The following MAP3K7CL variants were observed in gnomAD, a reference collection of about 807,000 sequenced individuals.
MAP3K7CL encodes the protein MAP3K7 C-terminal-like protein.
A neutral mutation model predicts 18.6 loss-of-function variants in MAP3K7CL; 16 were observed. The observed-to-expected ratio is 0.86, with a 90% CI of 0.58 to 1.31. The LOEUF (loss-of-function observed/expected upper bound fraction) is 1.31. Among genes scored for constraint, MAP3K7CL ranks in the 50% most tolerant of loss-of-function variants. The pLI is 0.00. For synonymous variants in MAP3K7CL, 65 were observed against 66.8 expected (o/e 0.97, Z 0.13); for missense variants, 163 against 174.4 (o/e 0.93, Z 0.37).
chr21:29,157,201 A>G (rs1229824592), intron 3 of MAP3K7CL, among the ~76,000 whole-genome samples: 7 of 152,206 alleles, frequency 4.6e-5, no homozygotes, highest in South Asian at 2.1e-4. Flanking sequence ...AAGTATATTC[A>G]CATTGTTGTG....
chr21:29,152,622 G>A (rs1387543083), intron 3 of MAP3K7CL, among the ~76,000 whole-genome samples: 1 of 152,160 alleles, frequency 6.6e-6, no homozygotes, highest in Non-Finnish European at 1.5e-5. Context: ...GGTATTGTCA[G>A]CCCCGTTCTC....
intron 4 of MAP3K7CL, among the ~76,000 whole-genome samples, chr21:29,104,770 C>A (rs1037550798): frequency 2.0e-5 from 3 of 152,196 alleles, no homozygotes; most frequent in African/African-American, 7.2e-5. Flanking sequence ...TGAACCACAG[C>A]GTGTCCTTCG....
chr21:29,101,100 C>T (rs2086221672), intron 4 of MAP3K7CL, among the ~76,000 whole-genome samples: 1 of 151,834 alleles, frequency 6.6e-6, no homozygotes, highest in Non-Finnish European at 1.5e-5. Context: ...CGCGCGTGGC[C>T]GCAAACATTT....
At chr21:29,160,640 AC>A (rs2146726491) in intron 4 of MAP3K7CL, among the ~76,000 whole-genome samples, 1 of 152,286 alleles carries the variant, frequency 6.6e-6, no homozygotes, top group South Asian at 2.1e-4. Context: ...GCCAGTGCCT[AC>A]CCCAGTGAAT....
intron 4 of MAP3K7CL, among the ~76,000 whole-genome samples, chr21:29,094,915 C>T (rs1485460189): frequency 7.9e-5 from 12 of 152,106 alleles, no homozygotes; most frequent in South Asian, 4.1e-4. Flanking sequence ...AAAAATTAGC[C>T]GGGCATGGTG....
intron 4 of MAP3K7CL, among the ~76,000 whole-genome samples, chr21:29,164,553 A>G (rs1399115933): frequency 6.6e-6 from 1 of 152,230 alleles, no homozygotes; most frequent in African/African-American, 2.4e-5. Context: ...CCCTGGATCA[A>G]GTTTGGGAGA....
At chr21:29,138,165 GA>G (rs1364066985) in intron 2 of MAP3K7CL, among the ~76,000 whole-genome samples, 1 of 152,174 alleles carries the variant, frequency 6.6e-6, no homozygotes, top group Non-Finnish European at 1.5e-5. Context: ...AGGTTTTGGA[GA>G]ACACAAATAT....
intron 3 of MAP3K7CL, among the ~76,000 whole-genome samples, chr21:29,154,763 G>A (rs981796714): frequency 2.6e-5 from 4 of 152,160 alleles, no homozygotes; most frequent in Admixed American, 6.5e-5. Flanking sequence ...AGCACCAGAC[G>A]TAGCTGACAT....
chr21:29,121,425 A>G (rs1173029070), intron 4 of MAP3K7CL, among the ~76,000 whole-genome samples: 1 of 152,168 alleles, frequency 6.6e-6, no homozygotes, highest in African/African-American at 2.4e-5. Context: ...TGGATTTCCT[A>G]CTTTTGTGAA....
Position 29,108,738 on chromosome 21 carries a change from G to T in MAP3K7CL, c.370+16157G>T, listed in dbSNP as rs577940912. 2.0e-4 allele frequency among the ~76,000 whole-genome samples: 30 copies of T among 152,300 alleles called. 1 individual carries two copies. The East Asian group carries it at 5.6e-3, about 28-fold the overall frequency. On this transcript the variant is annotated intron_variant, in intron 4 of 6. Transcript: ENST00000286791. ...GTGCCATCTCACAGCACTGTTGGGA[G>T]TTCCAATGAGATGAAGTATGAGAAG...
chr21:29,171,789 A>G (rs1860686997), intron 4 of MAP3K7CL, among the ~76,000 whole-genome samples: 1 of 137,474 alleles, frequency 7.3e-6, no homozygotes, highest in African/African-American at 2.8e-5. Flanking sequence ...TCTGGGTGAC[A>G]GAGTGAGACT....
At position 29,109,843 on chromosome 21, in the gene MAP3K7CL, G is replaced by A. The variant is rs76615010; in HGVS notation, c.370+17262G>A. 55 of 957,488 alleles carry A rather than the reference G, an allele frequency of 5.7e-5. 2 individuals are homozygous for A. The East Asian group carries it at 6.2e-3, about 109-fold the overall frequency. 59.3% of individuals were successfully genotyped at this position (957,488 alleles called of 1,614,324 possible). The stretch of plus-strand genomic sequence containing the variant: ...ATATATACATAGTGTAGACTCCCAG[G>A]AGTGGGATTTCTGGGTCAAAGGGTA... On this transcript the variant is annotated intron_variant, in intron 4 of 6. Coordinates refer to the MAP3K7CL transcript ENST00000286791.
Position 29,172,836 on chromosome 21 carries a change from C to A in MAP3K7CL, c.249-1876C>A, listed in dbSNP as rs539034185. Among the ~76,000 whole-genome samples, 36 of 120,312 alleles carry A rather than the reference C, an allele frequency of 3.0e-4. 1 individual carries two copies. Among genetic ancestry groups the A allele is most frequent in the Non-Finnish European group, 3.0e-4 (18 of 59,318 alleles). The allele number at this position is 120,312 out of a possible 152,430, so 78.9% of individuals were successfully genotyped here. A position where few individuals can be genotyped will look rare whatever the true frequency, so the allele number is the denominator to read the frequency against. Reference sequence around the variant, plus strand: ...TACAGGTTGTGTTTTGATGAGCAACCCCCCCCTCCCCCCGCCCCTTGTTCC... The same window carrying A: ...TACAGGTTGTGTTTTGATGAGCAACACCCCCCTCCCCCCGCCCCTTGTTCC... On this transcript the variant is annotated intron_variant, in intron 4 of 4. Coordinates refer to ENST00000399928, the MANE Select transcript of MAP3K7CL (RefSeq NM_001286620.2).
At chr21:29,088,859 G>C (rs2146492373) in intron 1 of MAP3K7CL, among the ~76,000 whole-genome samples, 1 of 152,220 alleles carries the variant, frequency 6.6e-6, no homozygotes, top group East Asian at 1.9e-4. Context: ...TAGCTTCCTT[G>C]TTTTGCACTA....
chr21:29,096,759 A>G (rs1252170581), intron 4 of MAP3K7CL, among the ~76,000 whole-genome samples: 1 of 152,190 alleles, frequency 6.6e-6, no homozygotes, highest in Non-Finnish European at 1.5e-5. Flanking sequence ...TCCGTTGGGT[A>G]GAGCTGGCCT....
At chr21:29,157,264 T>C (rs1027924789) in intron 3 of MAP3K7CL, among the ~76,000 whole-genome samples, 20 of 152,344 alleles carry the variant, frequency 1.3e-4, no homozygotes, top group African/African-American at 4.6e-4. Context: ...CTGTACCCAT[T>C]AAACAACAAT....
chr21:29,168,337 A>G (rs1314260111), intron 4 of MAP3K7CL, among the ~76,000 whole-genome samples: 2 of 152,198 alleles, frequency 1.3e-5, no homozygotes, highest in Non-Finnish European at 2.9e-5. Context: ...ACTTCCCAAG[A>G]CTGACTTGGC....
intron 4 of MAP3K7CL, among the ~76,000 whole-genome samples, chr21:29,163,994 A>G (rs1378550115): frequency 1.3e-5 from 2 of 151,972 alleles, no homozygotes; most frequent in Non-Finnish European, 2.9e-5. Context: ...TCAGCAATAA[A>G]GGACTGCTAG....
At chr21:29,128,211 T>G (rs976637696), upstream of MAP3K7CL, 6 of 152,230 alleles carry the variant, frequency 3.9e-5, no homozygotes, top group Non-Finnish European at 8.8e-5. Flanking sequence ...TAGTGTCAGA[T>G]GAACCTGGAT....
Sources: allele counts gnomAD v4.1 joint callset (sites outside exome capture counted in the v4.1 genomes callset), GRCh38; gene constraint gnomAD v4.1.1; transcripts MANE v1.5; gene names NCBI Gene and HGNC (gene_info 2026-07-23, HGNC 2026-07-21).